The following CHCHD6 variants were observed in gnomAD, a reference collection of about 807,000 sequenced individuals.
CHCHD6 encodes the protein MICOS complex subunit MIC25.
A neutral mutation model predicts 32.3 loss-of-function variants in CHCHD6; 28 were observed. The ratio of observed to expected loss-of-function variants is 0.87; its 90% CI spans 0.64 to 1.19. The LOEUF is 1.19. Among genes scored for constraint, CHCHD6 ranks in the 50% most tolerant of loss-of-function variants. The probability of loss-of-function intolerance (pLI) is 0.00; values close to 1 mark genes in which losing one functional copy is unlikely to be tolerated. For missense variants in CHCHD6, 333 were observed against 307.0 expected (o/e 1.08, Z -0.63); for synonymous variants, 122 against 117.5 (o/e 1.04, Z -0.25).
chr3:126,792,222 T>C (rs1278111368), intron 4 of CHCHD6, among the ~76,000 whole-genome samples: 1 of 147,160 alleles, frequency 6.8e-6, no homozygotes, highest in East Asian at 2.0e-4. Context: ...CAGGAATATA[T>C]ACTTAGAATA....
At chr3:126,887,439 G>A (rs975186429) in intron 5 of CHCHD6, among the ~76,000 whole-genome samples, 2 of 152,154 alleles carry the variant, frequency 1.3e-5, no homozygotes, top group African/African-American at 2.4e-5. Context: ...ATCAGCCAAT[G>A]CATGTTCTAG....
At chr3:126,789,296 C>G (rs574225011) in intron 4 of CHCHD6, among the ~76,000 whole-genome samples, 3 of 152,238 alleles carry the variant, frequency 2.0e-5, no homozygotes, top group Non-Finnish European at 2.9e-5. Flanking sequence ...AATGTATATT[C>G]TGTTGATTTG....
intron 6 of CHCHD6, among the ~76,000 whole-genome samples, chr3:126,929,909 C>CT (rs2078379465): frequency 6.6e-6 from 1 of 152,200 alleles, no homozygotes; most frequent in Non-Finnish European, 1.5e-5. Flanking sequence ...CCTTCCCCAA[C>CT]TAAGTCATTG....
intron 4 of CHCHD6, among the ~76,000 whole-genome samples, chr3:126,747,047 G>A (rs981456908): frequency 3.3e-5 from 5 of 152,186 alleles, no homozygotes; most frequent in East Asian, 1.9e-4. Flanking sequence ...TTTTTGCCCC[G>A]ATCTCAGCTT....
chr3:126,905,837 G>A (rs948919412), intron 5 of CHCHD6, among the ~76,000 whole-genome samples: 1 of 152,206 alleles, frequency 6.6e-6, no homozygotes, highest in Non-Finnish European at 1.5e-5. Flanking sequence ...AGTGGTGAAT[G>A]ACAGGTAGCC....
chr3:126,931,426 G>A (rs1221326003), intron 6 of CHCHD6, among the ~76,000 whole-genome samples: 1 of 152,188 alleles, frequency 6.6e-6, no homozygotes, highest in Admixed American at 6.5e-5. Context: ...AGCCTCATCC[G>A]CCAGTCCCTG....
chr3:126,730,090 A>G (rs1935720497), intron 2 of CHCHD6, among the ~76,000 whole-genome samples: 1 of 152,198 alleles, frequency 6.6e-6, no homozygotes, highest in Non-Finnish European at 1.5e-5. Context: ...GGCATTTGCC[A>G]CAGTGAGGAT....
chr3:126,768,939 C>T (rs574083224), intron 4 of CHCHD6, among the ~76,000 whole-genome samples: 20 of 152,262 alleles, frequency 1.3e-4, no homozygotes, highest in Non-Finnish European at 2.2e-4. Flanking sequence ...AGGTATTAGA[C>T]CTCTGTCAGA....
chr3:126,789,309 G>A (rs1282535964), intron 4 of CHCHD6, among the ~76,000 whole-genome samples: 9 of 152,196 alleles, frequency 5.9e-5, no homozygotes, highest in Non-Finnish European at 1.2e-4. Flanking sequence ...TTGATTTGGG[G>A]TGGAGAGTTC....
chr3:126,909,169 G>A (rs971739265), intron 5 of CHCHD6, among the ~76,000 whole-genome samples: 5 of 152,258 alleles, frequency 3.3e-5, no homozygotes, highest in Non-Finnish European at 7.3e-5. Flanking sequence ...GTTAGGGGGT[G>A]TCTTTCAGGG....
At chr3:126,836,407 C>T (rs943584297) in intron 4 of CHCHD6, among the ~76,000 whole-genome samples, 3 of 152,208 alleles carry the variant, frequency 2.0e-5, no homozygotes, top group Admixed American at 2.0e-4. Context: ...GGGACCTTCT[C>T]TGGTCATTCC....
intron 4 of CHCHD6, among the ~76,000 whole-genome samples, chr3:126,815,758 C>T (rs996955298): frequency 2.0e-5 from 3 of 151,866 alleles, no homozygotes; most frequent in Admixed American, 6.6e-5. Context: ...TGATCTGAAG[C>T]ATGCAATGAC....
At chr3:126,926,748 T>C (rs1305374842) in intron 6 of CHCHD6, among the ~76,000 whole-genome samples, 1 of 152,112 alleles carries the variant, frequency 6.6e-6, no homozygotes, top group African/African-American at 2.4e-5. Flanking sequence ...AAAAAAGGCT[T>C]TTAAGCAGGG....
intron 4 of CHCHD6, among the ~76,000 whole-genome samples, chr3:126,806,164 C>G (rs1308349058): frequency 6.6e-6 from 1 of 151,838 alleles, no homozygotes; most frequent in Non-Finnish European, 1.5e-5. Context: ...GTCTAAAACA[C>G]CAAAAGCAAT....
chr3:126,743,983 C>T (rs1220827561), intron 4 of CHCHD6, among the ~76,000 whole-genome samples: 2 of 152,206 alleles, frequency 1.3e-5, no homozygotes, highest in Non-Finnish European at 1.5e-5. Context: ...GAAGTAGCAC[C>T]ACCCCTTCTG....
intron 4 of CHCHD6, among the ~76,000 whole-genome samples, chr3:126,814,613 G>T (rs1052261470): frequency 6.6e-6 from 1 of 152,146 alleles, no homozygotes; most frequent in Non-Finnish European, 1.5e-5. Context: ...CCAGATAACC[G>T]AACACTTAGA....
chr3:126,915,731 C>A (rs928438067), intron 6 of CHCHD6, among the ~76,000 whole-genome samples: 1 of 152,212 alleles, frequency 6.6e-6, no homozygotes, highest in African/African-American at 2.4e-5. Context: ...ACAGTAGGGA[C>A]AGACAAACAG....
intron 7 of CHCHD6, among the ~76,000 whole-genome samples, chr3:126,959,940 G>A (rs1247344044): frequency 6.6e-6 from 1 of 152,224 alleles, no homozygotes; most frequent in Non-Finnish European, 1.5e-5. Flanking sequence ...AGCCAGCCCT[G>A]GGAGAGTAAA....
intron 6 of CHCHD6, among the ~76,000 whole-genome samples, chr3:126,933,993 T>C (rs549087393): frequency 6.6e-6 from 1 of 152,376 alleles, no homozygotes; most frequent in East Asian, 1.9e-4. Flanking sequence ...TTGCCCGTTC[T>C]GTGTTGGGAT....
Sources: allele counts gnomAD v4.1 joint callset (sites outside exome capture counted in the v4.1 genomes callset), GRCh38; gene constraint gnomAD v4.1.1; transcripts MANE v1.5; gene names NCBI Gene and HGNC (gene_info 2026-07-23, HGNC 2026-07-21).